The following RLF variants were observed in gnomAD, a reference collection of about 807,000 sequenced individuals.
RLF encodes the protein RLF zinc finger, also known as zinc finger protein Rlf.
A neutral mutation model predicts 162.9 loss-of-function variants in RLF; 7 were observed. That is an observed-to-expected ratio of 0.04 (90% confidence interval 0.02 to 0.08). The LOEUF (loss-of-function observed/expected upper bound fraction) is 0.08. RLF is among the 10% of genes least tolerant of loss of function. The probability of loss-of-function intolerance (pLI) is 1.00; values close to 1 mark genes in which losing one functional copy is unlikely to be tolerated. For missense variants in RLF, 1,664 were observed against 2,244.7 expected, an observed-to-expected ratio of 0.74 and a Z score of 5.23; for synonymous variants, 782 against 791.5, an observed-to-expected ratio of 0.99 and a Z score of 0.20.
intron 5 of RLF, among the ~76,000 whole-genome samples, chr1:40,206,299 G>T (rs541439599): frequency 6.6e-6 from 1 of 152,304 alleles, no homozygotes; most frequent in African/African-American, 2.4e-5. Context: ...AGGAAAGTCA[G>T]GCTCAGATTA....
chr1:40,215,386 G>A (rs1049806808), intron 5 of RLF, among the ~76,000 whole-genome samples: 1 of 152,068 alleles, frequency 6.6e-6, no homozygotes, highest in Non-Finnish European at 1.5e-5. Flanking sequence ...GTGTTAGCAA[G>A]TAAAACAAAC....
At chr1:40,220,356 T>C (rs1286857355) in intron 5 of RLF, among the ~76,000 whole-genome samples, 1 of 152,212 alleles carries the variant, frequency 6.6e-6, no homozygotes, top group Non-Finnish European at 1.5e-5. Context: ...CCATGCTCAC[T>C]CTTATTAGGC....
chr1:40,205,563 CGCT>C lies in RLF; in HGVS notation c.810+2952_810+2954del, dbSNP rs1472369048. On this transcript the variant is annotated intron_variant, in intron 5 of 7. Coordinates refer to ENST00000372771, the MANE Select transcript of RLF (RefSeq NM_012421.4). ...GGAGTGCAGTGGCACGATCTTGGCT[CGCT>C]GCAAGCTCCGCCTCCCAGGTTCACG... Among the ~76,000 whole-genome samples the C allele has an allele frequency of 6.2e-5, 9 of 145,238 alleles. No homozygotes were observed. In the East Asian group the frequency reaches 1.9e-3, roughly 30 times the overall value.
chr1:40,177,497 G>C (rs1021304681), intron 1 of RLF, among the ~76,000 whole-genome samples: 2 of 151,706 alleles, frequency 1.3e-5, no homozygotes, highest in Admixed American at 1.3e-4. Flanking sequence ...GTTTCATGGT[G>C]TTAGCCAGGA....
At chr1:40,191,537 C>T (rs79695234) in intron 3 of RLF, among the ~76,000 whole-genome samples, 8 of 145,496 alleles carry the variant, frequency 5.5e-5, no homozygotes, top group African/African-American at 1.5e-4. Flanking sequence ...GACTCTGTCT[C>T]GGAAAAAAAA....
intron 5 of RLF, among the ~76,000 whole-genome samples, chr1:40,216,081 A>G (rs1642920487): frequency 6.6e-6 from 1 of 152,156 alleles, no homozygotes; most frequent in South Asian, 2.1e-4. Flanking sequence ...AAAAAAGGAG[A>G]TACCATCAAC....
Position 40,236,040 on chromosome 1 carries a change from G to A in RLF, c.1338G>A (p.Pro446=), listed in dbSNP as rs762135694. The A allele has an allele frequency of 1.8e-5, 29 of 1,613,554 alleles. No individual in the cohort carries two copies. The highest frequency in any genetic ancestry group is 1.6e-4 in the Middle Eastern group (1 of 6,084). The change falls in exon 8 of 8, where the codon CCG becomes CCA. Residue 446 remains proline (P), a synonymous_variant. Coordinates refer to ENST00000372771, the MANE Select transcript of RLF (RefSeq NM_012421.4). This position sits in a 1 kb window ranked among gnomAD's most constrained non-coding sequence, Gnocchi z 7.7. The part of the protein sequence containing the change: ...PDQKFDEENA[P]VPNSLRCELL... ...AAAAATTTGATGAAGAAAATGCACC[G>A]GTTCCAAATTCTCTTCGATGTGAGC...
chr1:40,176,114 G>A (rs1032833096), intron 1 of RLF, among the ~76,000 whole-genome samples: 1 of 152,006 alleles, frequency 6.6e-6, no homozygotes, highest in Non-Finnish European at 1.5e-5. Context: ...TTCATTATAT[G>A]GATATATCAT....
chr1:40,206,024 C>T (rs1642787789), intron 5 of RLF, among the ~76,000 whole-genome samples: 1 of 152,176 alleles, frequency 6.6e-6, no homozygotes, highest in Non-Finnish European at 1.5e-5. Flanking sequence ...TAAATACCAA[C>T]TATGGTCTGA....
chr1:40,196,699 C>T (rs554093195), intron 4 of RLF, among the ~76,000 whole-genome samples: 1 of 151,798 alleles, frequency 6.6e-6, no homozygotes, highest in Admixed American at 6.6e-5. Context: ...GGGGGTCTCA[C>T]TATGTTGCCT....
At position 40,239,212 on chromosome 1, in the gene RLF, C is replaced by A; in HGVS notation, c.4510C>A (p.His1504Asn). The change falls in exon 8 of 8, where the codon CAT becomes AAT. Residue 1504 changes from histidine (H) to asparagine (N), a missense_variant. By Grantham distance (68) the His-to-Asn change is moderately conservative. Coordinates refer to ENST00000372771, the MANE Select transcript of RLF (RefSeq NM_012421.4). ...CQTADTQGHE[H>N]QTTRRSFNAK... Reference sequence around the variant, plus strand: ...AACAGCTGATACTCAGGGGCATGAACATCAGACCACCAGGAGATCATTTAA... The same window carrying A: ...AACAGCTGATACTCAGGGGCATGAAAATCAGACCACCAGGAGATCATTTAA... 1 of 1,614,138 alleles carries A rather than the reference C, an allele frequency of 6.2e-7. No homozygotes were observed. The highest frequency in any genetic ancestry group is 1.1e-5 in the South Asian group (1 of 91,074).
intron 1 of RLF, among the ~76,000 whole-genome samples, chr1:40,188,660 C>T (rs1267284001): frequency 6.6e-6 from 1 of 151,560 alleles, no homozygotes; most frequent in African/African-American, 2.4e-5. Context: ...AACTGAGAGT[C>T]ATATTCAGGA....
chr1:40,219,630 C>A (rs1642967139), intron 5 of RLF, among the ~76,000 whole-genome samples: 1 of 152,126 alleles, frequency 6.6e-6, no homozygotes, highest in African/African-American at 2.4e-5. Flanking sequence ...ACAATAGAAA[C>A]CTTGATGGAA....
At chr1:40,174,936 A>C (rs938024347) in intron 1 of RLF, among the ~76,000 whole-genome samples, 35 of 152,344 alleles carry the variant, frequency 2.3e-4, no homozygotes, top group African/African-American at 8.4e-4. Flanking sequence ...ACAGTGGCTC[A>C]CACCTGTAAT....
At chr1:40,203,009 T>A (rs1300778211) in intron 5 of RLF, among the ~76,000 whole-genome samples, 1 of 152,104 alleles carries the variant, frequency 6.6e-6, no homozygotes, top group Non-Finnish European at 1.5e-5. Flanking sequence ...CTTTATATAT[T>A]TAATTTTGTA....
rs1031120394 is a variant in RLF at position 40,161,737 on chromosome 1, A to C, written c.237+101A>C. On this transcript the variant is annotated intron_variant, in intron 1 of 7. Transcript: ENST00000372771. This position sits in a 1 kb window ranked among gnomAD's most constrained non-coding sequence, Gnocchi z 4.4. ...AGCCGGGTCCAAACTGAAAGGCGCC[A>C]CCTCCGTGACTCGCCGCGCCCCCGG... 1.4e-6 allele frequency: 2 copies of C among 1,449,070 alleles called. No individual in the cohort carries two copies. Among genetic ancestry groups the C allele is most frequent in the South Asian group, 1.3e-5 (1 of 75,178 alleles). 89.8% of individuals were successfully genotyped at this position (1,449,070 alleles called of 1,614,324 possible). A position where few individuals can be genotyped will look rare whatever the true frequency, so the allele number is the denominator to read the frequency against.
intron 5 of RLF, among the ~76,000 whole-genome samples, chr1:40,220,335 C>A (rs189772022): frequency 1.3e-5 from 2 of 152,300 alleles, no homozygotes; most frequent in Non-Finnish European, 2.9e-5. Flanking sequence ...TATTTTATTT[C>A]TATTTCTATG....
chr1:40,172,501 T>C (rs745717491), intron 1 of RLF, among the ~76,000 whole-genome samples: 19 of 152,208 alleles, frequency 1.2e-4, no homozygotes, highest in Non-Finnish European at 2.2e-4. Context: ...ATTATAGGAT[T>C]AGGCCGGGTG....
intron 1 of RLF, among the ~76,000 whole-genome samples, chr1:40,177,091 G>A (rs1167666846): frequency 3.3e-5 from 5 of 151,480 alleles, no homozygotes; most frequent in African/African-American, 7.3e-5. Flanking sequence ...AGGTTCAAGC[G>A]ATTCTCCTGC....
Sources: allele counts gnomAD v4.1 joint callset (sites outside exome capture counted in the v4.1 genomes callset), GRCh38; gene constraint gnomAD v4.1.1; non-coding constraint Gnocchi (gnomAD v3.1); transcripts MANE v1.5; gene names NCBI Gene and HGNC (gene_info 2026-07-23, HGNC 2026-07-21).